The following SH3BGR variants were observed in gnomAD, a reference collection of about 807,000 sequenced individuals.
The protein encoded by SH3BGR is SH3 domain-binding glutamic acid-rich protein.
A neutral mutation model predicts 24.5 loss-of-function variants in SH3BGR; 29 were observed. That is an observed-to-expected ratio of 1.18 (90% CI 0.88 to 1.61). The LOEUF is 1.61. Among genes scored for constraint, SH3BGR ranks in the 40% most tolerant of loss-of-function variants. The pLI, the probability that SH3BGR is intolerant of heterozygous loss-of-function variation, is 0.00. For missense variants in SH3BGR, 162 were observed against 205.8 expected, an observed-to-expected ratio of 0.79 and a Z score of 1.30; for synonymous variants, 55 against 65.7, an observed-to-expected ratio of 0.84 and a Z score of 0.79.
intron 3 of SH3BGR, among the ~76,000 whole-genome samples, chr21:39,497,680 A>AATAT (rs2078422374): frequency 6.6e-6 from 1 of 152,212 alleles, no homozygotes. Flanking sequence ...AAAACATATC[A>AATAT]AGACAATTAT....
chr21:39,472,990 C>T (rs1026504338), intron 2 of SH3BGR, among the ~76,000 whole-genome samples: 1 of 152,132 alleles, frequency 6.6e-6, no homozygotes, highest in African/African-American at 2.4e-5. Flanking sequence ...GCCAGGTCAG[C>T]AGTGTATTTA....
chr21:39,479,468 G>A (rs2078096246), intron 3 of SH3BGR, among the ~76,000 whole-genome samples: 1 of 150,788 alleles, frequency 6.6e-6, no homozygotes, highest in Non-Finnish European at 1.5e-5. Flanking sequence ...GGTGATGTTG[G>A]TGTTGGTGGT....
chr21:39,510,100 G>A (rs1029899865), intron 5 of SH3BGR, among the ~76,000 whole-genome samples: 1 of 145,122 alleles, frequency 6.9e-6, no homozygotes, highest in Non-Finnish European at 1.5e-5. Context: ...CCGCCACCGC[G>A]CCCGGCTAAT....
At chr21:39,494,000 A>G (rs2078348638) in intron 3 of SH3BGR, among the ~76,000 whole-genome samples, 3 of 152,056 alleles carry the variant, frequency 2.0e-5, no homozygotes, top group Admixed American at 6.6e-5. Context: ...ATTAGTTCTA[A>G]GAGCTTTTTG....
At chr21:39,493,111 C>G (rs1239544342) in intron 3 of SH3BGR, among the ~76,000 whole-genome samples, 1 of 152,136 alleles carries the variant, frequency 6.6e-6, no homozygotes, top group Non-Finnish European at 1.5e-5. Context: ...TGCAAAAGCT[C>G]TTTAGTTTAA....
chr21:39,499,890 A>G lies in SH3BGR; in HGVS notation c.380A>G (p.Asn127Ser). The change falls in exon 4 of 7, where the codon AAC (asparagine) becomes AGC (serine). Residue 127 changes from asparagine (N) to serine (S), a missense_variant. Asn to Ser is a conservative substitution (Grantham distance 46). Coordinates refer to ENST00000333634, the MANE Select transcript of SH3BGR (RefSeq NM_007341.3). ...AAAGAGGGCAGTGAAGATGTGGGCA[A>G]CCTCCCTGAAGCCCAGGAGAAGAAT... is the stretch of plus-strand genomic sequence containing the variant. Reference protein sequence around the residue: ...AQKEGSEDVGNLPEAQEKNEE... With the variant: ...AQKEGSEDVGSLPEAQEKNEE... 1 of 1,613,152 alleles carries G rather than the reference A, an allele frequency of 6.2e-7. No homozygotes were observed. The highest frequency in any genetic ancestry group is 8.5e-7 in the Non-Finnish European group (1 of 1,179,364).
chr21:39,504,414 A>T (rs1226373650), intron 4 of SH3BGR, among the ~76,000 whole-genome samples: 2 of 152,110 alleles, frequency 1.3e-5, no homozygotes, highest in African/African-American at 4.8e-5. Context: ...ACTATCTCCC[A>T]CACCTGCCAC....
At chr21:39,459,038 G>T (rs1485054670) in intron 1 of SH3BGR, among the ~76,000 whole-genome samples, 4 of 143,792 alleles carry the variant, frequency 2.8e-5, no homozygotes, top group South Asian at 2.2e-4. Context: ...TAGTTCTGTG[G>T]TTTTTTTTTT....
At chr21:39,483,320 A>G (rs1201229422) in intron 3 of SH3BGR, among the ~76,000 whole-genome samples, 1 of 152,220 alleles carries the variant, frequency 6.6e-6, no homozygotes, top group Non-Finnish European at 1.5e-5. Flanking sequence ...AATGGTTGGA[A>G]GTTGATCAAC....
intron 2 of SH3BGR, among the ~76,000 whole-genome samples, chr21:39,467,029 A>G (rs1019568227): frequency 6.6e-6 from 1 of 152,208 alleles, no homozygotes; most frequent in Non-Finnish European, 1.5e-5. Context: ...TTATCAGAAG[A>G]ATCATCTCAT....
chr21:39,502,523 C>T (rs2078512639), intron 4 of SH3BGR, among the ~76,000 whole-genome samples: 1 of 152,178 alleles, frequency 6.6e-6, no homozygotes, highest in Admixed American at 6.5e-5. Flanking sequence ...TTCGTGGGCC[C>T]ACATTTGGTT....
At chr21:39,464,760 C>G (rs751497308) in intron 2 of SH3BGR, among the ~76,000 whole-genome samples, 9 of 152,318 alleles carry the variant, frequency 5.9e-5, no homozygotes, top group Non-Finnish European at 8.8e-5. Context: ...CTACCCACAT[C>G]TTCCCCACCT....
intron 3 of SH3BGR, among the ~76,000 whole-genome samples, chr21:39,494,651 C>T (rs1344198833): frequency 1.3e-5 from 2 of 151,660 alleles, no homozygotes; most frequent in Non-Finnish European, 2.9e-5. Flanking sequence ...TATCTTTGGT[C>T]TGCAGCCATT....
intron 4 of SH3BGR, among the ~76,000 whole-genome samples, chr21:39,508,423 T>A (rs2078620996): frequency 6.6e-6 from 1 of 152,212 alleles, no homozygotes; most frequent in African/African-American, 2.4e-5. Context: ...AGTAGAGACC[T>A]ATTTGAGCCT....
intron 1 of SH3BGR, among the ~76,000 whole-genome samples, chr21:39,457,268 TAA>T (rs1324460278): frequency 3.0e-4 from 42 of 139,384 alleles, no homozygotes; most frequent in Non-Finnish European, 4.6e-5. Context: ...TTGTTATATA[TAA>T]AAGTCATATA....
chr21:39,477,484 A>G (rs1398584248), intron 3 of SH3BGR, among the ~76,000 whole-genome samples: 1 of 152,100 alleles, frequency 6.6e-6, no homozygotes, highest in Non-Finnish European at 1.5e-5. Context: ...GTTGCTCATT[A>G]TTTTTAATTA....
intron 3 of SH3BGR, among the ~76,000 whole-genome samples, chr21:39,495,778 C>G (rs1179724126): frequency 6.6e-6 from 1 of 152,108 alleles, no homozygotes; most frequent in African/African-American, 2.4e-5. Context: ...CATCATGCTC[C>G]TTCTGAAAAG....
chr21:39,512,777 G>A (rs1372546326), intron 6 of SH3BGR, among the ~76,000 whole-genome samples: 1 of 152,078 alleles, frequency 6.6e-6, no homozygotes, highest in Non-Finnish European at 1.5e-5. Context: ...GGGTGACAGA[G>A]CAAGACTCTG....
Position 39,497,343 on chromosome 21 carries a change from C to T in SH3BGR, c.313-2480C>T, listed in dbSNP as rs372797408. Among the ~76,000 whole-genome samples, 124 of 151,344 alleles carry T rather than the reference C, an allele frequency of 8.2e-4. No individual in the cohort carries two copies. In the South Asian group the frequency reaches 0.023, roughly 29 times the overall value. ...CTGTCTGGAAGAAAACAAATGTAGA[C>T]GTCGACTTTACATTATATGCTAAAT... On this transcript the variant is annotated intron_variant, in intron 3 of 6. Coordinates refer to ENST00000333634, the MANE Select transcript of SH3BGR (RefSeq NM_007341.3).
Sources: gnomAD v4.1 joint callset for allele counts (sites outside exome capture counted in the v4.1 genomes callset) on GRCh38, gnomAD v4.1.1 for gene constraint, MANE v1.5 for transcripts, NCBI Gene and HGNC (gene_info 2026-07-23, HGNC 2026-07-21) for gene names.